COMMD1: variants seen among roughly 807,000 people sequenced by gnomAD.
COMMD1 encodes the protein COMM domain-containing protein 1.
In COMMD1, 10 loss-of-function variants were observed where a neutral mutation model predicts 17.2. That is an observed-to-expected ratio of 0.58 (90% CI 0.36 to 0.99). The LOEUF (loss-of-function observed/expected upper bound fraction) is 0.99, where lower values mean the gene tolerates loss of function less well. Among genes scored for constraint, COMMD1 ranks in the 50% least tolerant of loss-of-function variants. The pLI, the probability that COMMD1 is intolerant of heterozygous loss-of-function variation, is 0.01. For missense variants in COMMD1, 270 were observed against 231.8 expected, an observed-to-expected ratio of 1.17 and a Z score of -1.07; for synonymous variants, 97 against 91.6, an observed-to-expected ratio of 1.06 and a Z score of -0.34.
At chr2:62,128,824 C>T (rs1312937525) in intron 2 of COMMD1, among the ~76,000 whole-genome samples, 1 of 151,894 alleles carries the variant, frequency 6.6e-6, no homozygotes, top group African/African-American at 2.4e-5. Context: ...TGGTGGCACA[C>T]GCCTGTAGTC....
chr2:61,939,707 T>C (rs555011084), intron 1 of COMMD1, among the ~76,000 whole-genome samples: 2 of 152,296 alleles, frequency 1.3e-5, no homozygotes, highest in East Asian at 3.9e-4. Flanking sequence ...AAAAACATAG[T>C]TCACCCAAAT....
intron 2 of COMMD1, among the ~76,000 whole-genome samples, chr2:62,133,524 A>T (rs1296901663): frequency 6.6e-6 from 1 of 151,768 alleles, no homozygotes; most frequent in African/African-American, 2.4e-5. Flanking sequence ...AGTATTTTTA[A>T]TTTTATATGC....
intron 1 of COMMD1, among the ~76,000 whole-genome samples, chr2:61,945,324 A>G (rs1469758301): frequency 6.6e-6 from 1 of 152,218 alleles, no homozygotes; most frequent in Admixed American, 6.5e-5. Context: ...TGTTGGAGCA[A>G]GTAAAACTTC....
intron 1 of COMMD1, among the ~76,000 whole-genome samples, chr2:61,942,738 A>T (rs912095811): frequency 6.8e-6 from 1 of 147,252 alleles, no homozygotes; most frequent in East Asian, 2.0e-4. Flanking sequence ...GGGTTTCACC[A>T]TGTTGGCCAG....
chr2:62,063,553 C>A (rs1243546894), intron 2 of COMMD1, among the ~76,000 whole-genome samples: 1 of 152,098 alleles, frequency 6.6e-6, no homozygotes, highest in African/African-American at 2.4e-5. Flanking sequence ...AATCAAAATA[C>A]AAATTCCAGA....
At chr2:62,043,669 C>G (rs946353619) in intron 2 of COMMD1, among the ~76,000 whole-genome samples, 3 of 152,164 alleles carry the variant, frequency 2.0e-5, no homozygotes, top group Non-Finnish European at 4.4e-5. Context: ...TAAAATCTTG[C>G]TAACTACCTT....
chr2:61,956,412 A>T (rs917829581), intron 1 of COMMD1, among the ~76,000 whole-genome samples: 3 of 146,446 alleles, frequency 2.0e-5, no homozygotes, highest in Non-Finnish European at 1.5e-5. Flanking sequence ...TCCTTGTAAA[A>T]TTTTTTTTTT....
chr2:62,061,565 T>G (rs60306949), intron 2 of COMMD1, among the ~76,000 whole-genome samples: 25 of 137,652 alleles, frequency 1.8e-4, no homozygotes, highest in African/African-American at 7.7e-4. Flanking sequence ...TTTTTTTTTT[T>G]TTTTTTTTGA....
At chr2:62,084,229 T>A (rs1671598863) in intron 2 of COMMD1, among the ~76,000 whole-genome samples, 1 of 152,106 alleles carries the variant, frequency 6.6e-6, no homozygotes, top group South Asian at 2.1e-4. Context: ...CCCAGCATAG[T>A]CAAAAATCTA....
intron 1 of COMMD1, among the ~76,000 whole-genome samples, chr2:61,956,771 C>T (rs551726257): frequency 1.8e-4 from 27 of 148,306 alleles, no homozygotes; most frequent in African/African-American, 6.2e-4. Context: ...TTGTTTTTTG[C>T]GATGGGGTCT....
Position 62,095,836 on chromosome 2 carries a change from T to A in COMMD1, c.463-39995T>A, listed in dbSNP as rs28369002. On this transcript the variant is annotated intron_variant, in intron 2 of 2. Coordinates refer to ENST00000311832, the MANE Select transcript of COMMD1 (RefSeq NM_152516.4). ...TATATATATATGCATATCAGGGTTA[T>A]ATATACACACAGGTATATATAACCC... Among the ~76,000 whole-genome samples the A allele has an allele frequency of 2.9e-3, 178 of 60,742 alleles. 4 individuals carry two copies. The highest frequency in any genetic ancestry group is 0.023 in the African/African-American group (164 of 7,268). The allele number at this position is 60,742 out of a possible 152,430, so 39.8% of individuals were successfully genotyped here. A position where few individuals can be genotyped will look rare whatever the true frequency, so the allele number is the denominator to read the frequency against.
At chr2:61,963,716 C>T (rs11689598) in intron 1 of COMMD1, among the ~76,000 whole-genome samples, 2,730 of 152,268 alleles carry the variant, frequency 0.018, 51 homozygotes, top group African/African-American at 0.041. Context: ...ATGGTATCCT[C>T]TTTTAGAAGG....
At chr2:61,946,067 G>C (rs1670896869) in intron 1 of COMMD1, among the ~76,000 whole-genome samples, 1 of 152,166 alleles carries the variant, frequency 6.6e-6, no homozygotes, top group African/African-American at 2.4e-5. Flanking sequence ...CCCTGGCCAA[G>C]GAAGGAGTGT....
At chr2:61,909,812 G>A (rs895895921) in intron 1 of COMMD1, among the ~76,000 whole-genome samples, 3 of 152,156 alleles carry the variant, frequency 2.0e-5, no homozygotes, top group Non-Finnish European at 1.5e-5. Flanking sequence ...GGGATACAGC[G>A]GACACACGTG....
chr2:62,087,143 A>G (rs1671694257), intron 2 of COMMD1, among the ~76,000 whole-genome samples: 2 of 152,198 alleles, frequency 1.3e-5, no homozygotes, highest in African/African-American at 4.8e-5. Context: ...GAATTTCTGA[A>G]TAATGTTCTC....
Position 62,078,508 on chromosome 2 carries a change from G to C in COMMD1, c.463-57323G>C, listed in dbSNP as rs564332668. On this transcript the variant is annotated intron_variant, in intron 2 of 2. Transcript: ENST00000311832. The stretch of plus-strand genomic sequence containing the variant: ...GTGGAGCTTGCAGTGAGCTGAAATC[G>C]CGCCACTGCACTCTAGCCTGGGCTA... Among the ~76,000 whole-genome samples the C allele has an allele frequency of 4.2e-5, 6 of 144,478 alleles. No homozygotes were observed. The East Asian group carries it at 1.2e-3, about 29-fold the overall frequency. The allele number at this position is 144,478 out of a possible 152,430, so 94.8% of individuals were successfully genotyped here.
chr2:61,913,715 G>A (rs942210899), intron 1 of COMMD1, among the ~76,000 whole-genome samples: 3 of 145,622 alleles, frequency 2.1e-5, no homozygotes, highest in Non-Finnish European at 3.0e-5. Context: ...AGAATGGCAT[G>A]AACCCGGGAG....
At chr2:62,015,603 T>C (rs192915717) in intron 2 of COMMD1, among the ~76,000 whole-genome samples, 1 of 152,290 alleles carries the variant, frequency 6.6e-6, no homozygotes, top group Non-Finnish European at 1.5e-5. Flanking sequence ...TGACAAACTA[T>C]TTTCTACAGC....
At chr2:62,019,249 C>A (rs1428991687) in intron 2 of COMMD1, among the ~76,000 whole-genome samples, 1 of 151,702 alleles carries the variant, frequency 6.6e-6, no homozygotes, top group Non-Finnish European at 1.5e-5. Flanking sequence ...TCTCAGCTCA[C>A]TACAACCTCT....
Sources: allele counts gnomAD v4.1 joint callset (sites outside exome capture counted in the v4.1 genomes callset), GRCh38; gene constraint gnomAD v4.1.1; transcripts MANE v1.5; gene names NCBI Gene and HGNC (gene_info 2026-07-23, HGNC 2026-07-21).